Variants in TANC2 observed in about 807,000 individuals in gnomAD.
TANC2 encodes the protein protein TANC2.
TANC2 carries 26 observed loss-of-function variants against 210.5 expected under a neutral mutation model. The ratio of observed to expected loss-of-function variants is 0.12; its 90% CI spans 0.09 to 0.17. The LOEUF (loss-of-function observed/expected upper bound fraction) is 0.17. TANC2 is among the 10% of genes least tolerant of loss of function. The pLI is 1.00. For synonymous variants in TANC2, 931 were observed against 967.1 expected, an observed-to-expected ratio of 0.96 and a Z score of 0.69; for missense variants, 2,129 against 2,608.9, an observed-to-expected ratio of 0.82 and a Z score of 4.01.
At chr17:63,243,521 G>A (rs1044576965) in intron 8 of TANC2, among the ~76,000 whole-genome samples, 2 of 152,140 alleles carry the variant, frequency 1.3e-5, no homozygotes, top group South Asian at 2.1e-4. Flanking sequence ...ACACACTACT[G>A]TTACAACATC....
At chr17:63,390,696 A>T (rs1003102098) in intron 17 of TANC2, 1 of 151,998 alleles carries the variant, frequency 6.6e-6, no homozygotes, top group Non-Finnish European at 1.5e-5. Flanking sequence ...AACTCGTTGG[A>T]TCAAGAGATC....
At chr17:63,150,395 G>A (rs2039607150) in intron 4 of TANC2, 4 of 152,160 alleles carry the variant, frequency 2.6e-5, no homozygotes, top group South Asian at 4.2e-4. Context: ...CTGATTATTC[G>A]AATGTGTATC....
chr17:63,158,025 C>A (rs1173415957), intron 5 of TANC2, among the ~76,000 whole-genome samples: 1 of 152,024 alleles, frequency 6.6e-6, no homozygotes, highest in Admixed American at 6.6e-5. Context: ...TTCATGTATA[C>A]TGTAGTTATT....
chr17:63,139,061 A>T (rs2039192914), intron 4 of TANC2, among the ~76,000 whole-genome samples: 1 of 152,212 alleles, frequency 6.6e-6, no homozygotes. Flanking sequence ...TTAAGAGGAG[A>T]CTGCTCTGAT....
chr17:63,033,793 G>C (rs1217113043), intron 2 of TANC2, among the ~76,000 whole-genome samples: 1 of 152,104 alleles, frequency 6.6e-6, no homozygotes, highest in Non-Finnish European at 1.5e-5. Context: ...TTAGATATTT[G>C]GGTTATGGAC....
intron 3 of TANC2, among the ~76,000 whole-genome samples, chr17:63,075,618 C>T (rs904626986): frequency 1.3e-5 from 2 of 152,032 alleles, no homozygotes; most frequent in African/African-American, 2.4e-5. Flanking sequence ...CTGCAACCTC[C>T]GCCTCCCGGG....
At chr17:63,295,789 AAACT>A (rs564252343) in intron 9 of TANC2, among the ~76,000 whole-genome samples, 68 of 152,326 alleles carry the variant, frequency 4.5e-4, no homozygotes, top group African/African-American at 1.5e-3. Flanking sequence ...TCTAGTTCTT[AAACT>A]AACTACATGG....
rs1199951754 is a variant in TANC2 at position 63,194,714 on chromosome 17, AT to A, written c.582+582del. 2.0e-5 allele frequency among the ~76,000 whole-genome samples: 3 copies of A among 151,952 alleles called. 1 individual carries two copies. The South Asian group carries it at 6.2e-4, about 32-fold the overall frequency. On this transcript the variant is annotated intron_variant, in intron 6 of 27. Transcript: ENST00000689528. ...TTATTCCAATTTAAAATATTTTCTC[AT>A]TTTTTTGTGATTTCCTCTTGGACTC...
intron 8 of TANC2, among the ~76,000 whole-genome samples, chr17:63,238,400 A>C (rs2042681650): frequency 6.6e-6 from 1 of 152,184 alleles, no homozygotes; most frequent in Non-Finnish European, 1.5e-5. Context: ...AAAGAATTTT[A>C]GTTTGAGGTT....
At chr17:63,004,954 C>T (rs1169258544) in intron 1 of TANC2, 7 of 200,256 alleles carry the variant, frequency 3.5e-5, no homozygotes, top group East Asian at 3.1e-4. Context: ...CAATCCTTCT[C>T]GTGGGCATGG....
intron 8 of TANC2, among the ~76,000 whole-genome samples, chr17:63,253,804 T>TG (rs2043116645): frequency 6.6e-6 from 1 of 151,650 alleles, no homozygotes; most frequent in Non-Finnish European, 1.5e-5. Context: ...GTTTGAGGGT[T>TG]TTTGTTGTTG....
In TANC2 at chr17:62,995,471, G is replaced by A. The variant is rs562535744; in HGVS notation, c.-23-14066G>A. On this transcript the variant is annotated intron_variant, in intron 1 of 27. Transcript: ENST00000689528. ...GGGAACAAGGTTGGTGGAGGGTGTT[G>A]AGGTAAAGAAACACTGGGTCAGCTA... 1.8e-4 allele frequency among the ~76,000 whole-genome samples: 27 copies of A among 152,346 alleles called. No individual in the cohort carries two copies. The East Asian group carries it at 4.4e-3, about 25-fold the overall frequency.
intron 7 of TANC2, among the ~76,000 whole-genome samples, chr17:63,206,241 A>G (rs545659402): frequency 3.3e-5 from 5 of 152,222 alleles, no homozygotes; most frequent in African/African-American, 4.8e-5. Context: ...GAACTCTCAT[A>G]CATTGCTGCT....
At chr17:63,031,019 C>T (rs1034158407) in intron 2 of TANC2, among the ~76,000 whole-genome samples, 9 of 152,130 alleles carry the variant, frequency 5.9e-5, no homozygotes, top group South Asian at 4.2e-4. Context: ...CTTACCACTT[C>T]GAAGATCTTA....
rs970725516 is a variant in TANC2 at position 63,358,372 on chromosome 17, AGAGAGTATGTGT to A, written c.2582+2984_2582+2995del. ...TAGAGTGAGAGAGAGAGAGAGAGAGAGAGAGTATGTGTGTGTGTGTGTGTGTGTGTGTGTGTG... is the reference window on the plus strand; with the variant it reads ...TAGAGTGAGAGAGAGAGAGAGAGAGAGTGTGTGTGTGTGTGTGTGTGTGTG... On this transcript the variant is annotated intron_variant, in intron 14 of 27. Transcript: ENST00000689528. Among the ~76,000 whole-genome samples the A allele has an allele frequency of 3.8e-4, 44 of 114,996 alleles. No individual in the cohort carries two copies. In the East Asian group the frequency reaches 9.6e-3, roughly 25 times the overall value. 75.4% of individuals were successfully genotyped at this position (114,996 alleles called of 152,430 possible). A position where few individuals can be genotyped will look rare whatever the true frequency, so the allele number is the denominator to read the frequency against.
intron 3 of TANC2, among the ~76,000 whole-genome samples, chr17:63,083,527 C>T (rs890185507): frequency 3.9e-5 from 6 of 152,106 alleles, no homozygotes; most frequent in African/African-American, 1.4e-4. Context: ...GAGGGATTCT[C>T]TTGGAGTTTT....
chr17:63,092,135 C>A (rs1447046258), intron 3 of TANC2, among the ~76,000 whole-genome samples: 1 of 152,070 alleles, frequency 6.6e-6, no homozygotes, highest in Admixed American at 6.6e-5. Flanking sequence ...TTTGTTCATT[C>A]ATCAGTTGAT....
chr17:63,321,011 CA>C (rs1439012642), intron 11 of TANC2, among the ~76,000 whole-genome samples: 1 of 152,002 alleles, frequency 6.6e-6, no homozygotes, highest in African/African-American at 2.4e-5. Context: ...CCAGCCTGAC[CA>C]ACATGGCAAA....
chr17:63,107,226 T>A (rs980234304), intron 4 of TANC2, among the ~76,000 whole-genome samples: 1 of 151,656 alleles, frequency 6.6e-6, no homozygotes, highest in African/African-American at 2.4e-5. Flanking sequence ...GACAAAGTTA[T>A]CAGAATGTAT....
Sources: allele counts gnomAD v4.1 joint callset (sites outside exome capture counted in the v4.1 genomes callset), GRCh38; gene constraint gnomAD v4.1.1; transcripts MANE v1.5; gene names NCBI Gene and HGNC (gene_info 2026-07-23, HGNC 2026-07-21).